The following VSTM5 variants were observed in gnomAD, a reference collection of about 807,000 sequenced individuals.
The protein encoded by VSTM5 is V-set and transmembrane domain containing 5.
Under a neutral mutation model 20.3 loss-of-function variants are expected in VSTM5, and 21 were observed. The ratio of observed to expected loss-of-function variants is 1.03; its 90% CI spans 0.73 to 1.49. The LOEUF (loss-of-function observed/expected upper bound fraction) is 1.49, where lower values mean the gene tolerates loss of function less well. VSTM5 is among the 40% of genes most tolerant of loss of function. The probability of loss-of-function intolerance (pLI) is 0.00; values close to 1 mark genes in which losing one functional copy is unlikely to be tolerated. For missense variants in VSTM5, 219 were observed against 250.0 expected, an observed-to-expected ratio of 0.88 and a Z score of 0.84; for synonymous variants, 100 against 102.5, an observed-to-expected ratio of 0.98 and a Z score of 0.14.
At chr11:93,836,460 C>A (rs61906579) in intron 1 of VSTM5, among the ~76,000 whole-genome samples, 1 of 152,140 alleles carries the variant, frequency 6.6e-6, no homozygotes, top group Admixed American at 6.5e-5. Flanking sequence ...GCCCTCATAC[C>A]CTGAGATCCA....
At chr11:93,846,778 T>G (rs3928619) in intron 1 of VSTM5, among the ~76,000 whole-genome samples, 3 of 57,274 alleles carry the variant, frequency 5.2e-5, no homozygotes, top group Admixed American at 4.3e-4. Flanking sequence ...TTTTTTTTTT[T>G]TTTTTTTGAG....
At chr11:93,828,035 T>C (rs974489850) in intron 1 of VSTM5, among the ~76,000 whole-genome samples, 2 of 152,228 alleles carry the variant, frequency 1.3e-5, no homozygotes, top group Non-Finnish European at 2.9e-5. Flanking sequence ...TTTCAGTTAT[T>C]TATTGAGTTA....
chr11:93,821,235 A>G lies in VSTM5; in HGVS notation c.180T>C (p.His60=). The G allele has an allele frequency of 6.4e-7, 1 of 1,551,944 alleles. No individual in the cohort carries two copies. The highest frequency in any genetic ancestry group is 8.7e-7 in the Non-Finnish European group (1 of 1,147,052). The stretch of plus-strand genomic sequence containing the variant: ...ATGTCCATTCGATGGTGGGCACTCC[A>G]TGACAGGAGTACTCAACTGAGAGCA... The part of the protein sequence containing the change: ...DILLSVEYSC[H]GVPTIEWTYS... The change falls in exon 2 of 4, where the codon CAT becomes CAC. Residue 60 remains histidine (H), a synonymous_variant. Transcript: ENST00000409977.
At chr11:93,849,599 C>T (rs904073851) in intron 1 of VSTM5, among the ~76,000 whole-genome samples, 1 of 152,222 alleles carries the variant, frequency 6.6e-6, no homozygotes, top group Non-Finnish European at 1.5e-5. Flanking sequence ...AGTGCTGGCT[C>T]TTACTACAAG....
chr11:93,850,399 C>T lies in VSTM5; in HGVS notation c.91+13G>A, dbSNP rs755631215. 28 of 1,547,284 alleles carry T rather than the reference C, an allele frequency of 1.8e-5. No individual in the cohort carries two copies. Among genetic ancestry groups the T allele is most frequent in the South Asian group, 1.7e-4 (14 of 83,434 alleles). On this transcript the variant is annotated intron_variant, in intron 1 of 3. Transcript: ENST00000409977. ...CCGCTCCCCCAGCACCCGGGGCGTC[C>T]CCCGGAGCTTACTCTGCAGACAGCG...
chr11:93,833,816 T>C (rs768212126), intron 1 of VSTM5, among the ~76,000 whole-genome samples: 26 of 152,084 alleles, frequency 1.7e-4, no homozygotes, highest in Non-Finnish European at 3.2e-4. Flanking sequence ...CCCTCCAGCA[T>C]ACCCGTGGAC....
At chr11:93,823,702 T>C (rs540247112) in intron 1 of VSTM5, among the ~76,000 whole-genome samples, 178 of 152,344 alleles carry the variant, frequency 1.2e-3, no homozygotes, top group African/African-American at 4.1e-3. Flanking sequence ...ATCCATGTTG[T>C]CACAAATGGC....
Position 93,820,338 on chromosome 11 carries a change from TG to T in VSTM5, c.*230del. Reference sequence around the variant, plus strand: ...TGATGCTGCAGCCAAGCGAAGCTCCTGGTTCAAAGCCTCAATCACTCTTCTC... The same window carrying T: ...TGATGCTGCAGCCAAGCGAAGCTCCTGTTCAAAGCCTCAATCACTCTTCTC... On this transcript the variant is annotated 3_prime_UTR_variant, in exon 4 of 4. Coordinates refer to ENST00000409977, the MANE Select transcript of VSTM5 (RefSeq NM_001144871.2). The T allele has an allele frequency of 1.8e-6, 1 of 547,998 alleles. No individual in the cohort carries two copies. Among genetic ancestry groups the T allele is most frequent in the Non-Finnish European group, 3.3e-6 (1 of 306,180 alleles). The allele number at this position is 547,998 out of a possible 1,614,324, so 33.9% of individuals were successfully genotyped here. A position where few individuals can be genotyped will look rare whatever the true frequency, so the allele number is the denominator to read the frequency against.
chr11:93,841,163 T>G (rs1042191997), intron 1 of VSTM5, among the ~76,000 whole-genome samples: 5 of 152,202 alleles, frequency 3.3e-5, no homozygotes, highest in African/African-American at 1.2e-4. Context: ...GTCATCTCTT[T>G]ATCTGCATAG....
chr11:93,828,477 A>G (rs1258902513), intron 1 of VSTM5, among the ~76,000 whole-genome samples: 1 of 152,192 alleles, frequency 6.6e-6, no homozygotes, highest in Non-Finnish European at 1.5e-5. Flanking sequence ...TCGTTTTTTT[A>G]AAAATCGATT....
At chr11:93,839,938 C>T (rs997464828) in intron 1 of VSTM5, among the ~76,000 whole-genome samples, 1 of 152,168 alleles carries the variant, frequency 6.6e-6, no homozygotes, top group African/African-American at 2.4e-5. Flanking sequence ...TAGAGACATA[C>T]ATGCACGTGG....
intron 1 of VSTM5, among the ~76,000 whole-genome samples, chr11:93,839,959 G>C (rs775900053): frequency 6.6e-6 from 1 of 152,114 alleles, no homozygotes; most frequent in Non-Finnish European, 1.5e-5. Flanking sequence ...AGTGAGTGCC[G>C]TGTGAAGATG....
chr11:93,834,863 G>A (rs923457711), intron 1 of VSTM5, among the ~76,000 whole-genome samples: 3 of 151,720 alleles, frequency 2.0e-5, no homozygotes, highest in Non-Finnish European at 2.9e-5. Flanking sequence ...AAAGAGGTGG[G>A]GCTTTTAAGA....
rs529398920 is a variant in VSTM5 at position 93,820,287 on chromosome 11, C to G, written c.*282G>C. The G allele has an allele frequency of 2.0e-5, 9 of 460,938 alleles. No homozygotes were observed. The East Asian group carries it at 3.4e-4, about 17-fold the overall frequency. The allele number at this position is 460,938 out of a possible 1,614,324, so 28.6% of individuals were successfully genotyped here. The stretch of plus-strand genomic sequence containing the variant: ...GCAAGCAGCCAACGCCTGCACTCAC[C>G]CATTGGTTATGTGTCAGCACGGCCC... On this transcript the variant is annotated 3_prime_UTR_variant, in exon 4 of 4. Coordinates refer to ENST00000409977, the MANE Select transcript of VSTM5 (RefSeq NM_001144871.2).
At position 93,819,891 on chromosome 11, in the gene VSTM5, A is replaced by T. The variant is rs191519237; in HGVS notation, c.*678T>A. On this transcript the variant is annotated 3_prime_UTR_variant, in exon 4 of 4. Coordinates refer to ENST00000409977, the MANE Select transcript of VSTM5 (RefSeq NM_001144871.2). Reference sequence around the variant, plus strand: ...GAGGAAGAGAAAGATAATTTTCTCTATTCCTTGTATCCAAAGCTGGCCTCT... The same window carrying T: ...GAGGAAGAGAAAGATAATTTTCTCTTTTCCTTGTATCCAAAGCTGGCCTCT... The T allele has an allele frequency of 6.6e-6, 1 of 152,258 alleles. No homozygotes were observed. Among genetic ancestry groups the T allele is most frequent in the Non-Finnish European group, 1.5e-5 (1 of 68,116 alleles). The allele number at this position is 152,258 out of a possible 1,614,324, so 9.4% of individuals were successfully genotyped here.
chr11:93,829,319 G>C (rs1407450950), intron 1 of VSTM5, among the ~76,000 whole-genome samples: 1 of 152,188 alleles, frequency 6.6e-6, no homozygotes, highest in South Asian at 2.1e-4. Context: ...CTGAAGTCAG[G>C]AGTTTCAGAA....
chr11:93,820,564 C>T lies in VSTM5; in HGVS notation c.*5G>A. The stretch of plus-strand genomic sequence containing the variant: ...AGGTAGGAATGCAGTCAGGCCCAGC[C>T]TTGGCTAACACTCAACATCTTCCAG... On this transcript the variant is annotated 3_prime_UTR_variant, in exon 4 of 4. Coordinates refer to ENST00000409977, the MANE Select transcript of VSTM5 (RefSeq NM_001144871.2). The T allele has an allele frequency of 6.4e-7, 1 of 1,551,908 alleles. No homozygotes were observed. Among genetic ancestry groups the T allele is most frequent in the Non-Finnish European group, 8.7e-7 (1 of 1,147,050 alleles).
chr11:93,828,911 C>T (rs796636617), intron 1 of VSTM5, among the ~76,000 whole-genome samples: 12 of 152,230 alleles, frequency 7.9e-5, no homozygotes, highest in African/African-American at 2.6e-4. Context: ...GTAGTGGAGA[C>T]ACCTGATGTG....
chr11:93,820,722 T>C, intron 3 of VSTM5, 21 bp downstream of exon 3: 6 of 1,551,714 alleles, frequency 3.9e-6, no homozygotes, highest in Non-Finnish European at 5.2e-6. Context: ...TCATGGATTA[T>C]CACAAGGCCC....
Sources: allele counts gnomAD v4.1 joint callset (sites outside exome capture counted in the v4.1 genomes callset), GRCh38; gene constraint gnomAD v4.1.1; transcripts MANE v1.5; gene names NCBI Gene and HGNC (gene_info 2026-07-23, HGNC 2026-07-21).